PDE10A: variants seen among roughly 807,000 people sequenced by gnomAD.
PDE10A encodes cAMP and cAMP-inhibited cGMP 3',5'-cyclic phosphodiesterase 10A.
In PDE10A, 39 loss-of-function variants were observed where a neutral mutation model predicts 97.7. The ratio of observed to expected loss-of-function variants is 0.40; its 90% CI spans 0.31 to 0.52. The LOEUF (loss-of-function observed/expected upper bound fraction) is 0.52, where lower values mean the gene tolerates loss of function less well. Among genes scored for constraint, PDE10A ranks in the 20% least tolerant of loss-of-function variants. PDE10A has a pLI of 0.56. For synonymous variants in PDE10A, 371 were observed against 376.8 expected (o/e 0.98, Z 0.18); for missense variants, 731 against 1,047.8 (o/e 0.70, Z 4.17).
At chr6:165,824,934 G>A (rs753962290) in intron 1 of PDE10A, among the ~76,000 whole-genome samples, 7 of 139,096 alleles carry the variant, frequency 5.0e-5, no homozygotes, top group Non-Finnish European at 6.1e-5. Context: ...AGTTTGAGAC[G>A]AGCCTGGCCA....
rs546916739 is a variant in PDE10A at position 165,815,994 on chromosome 6, G to A, written c.-615+171535C>T. Among the ~76,000 whole-genome samples, 28 of 151,474 alleles carry A rather than the reference G, an allele frequency of 1.8e-4. No individual in the cohort carries two copies. In the South Asian group the frequency reaches 5.7e-3, roughly 31 times the overall value. Reference sequence around the variant, plus strand: ...AAATGGAGTCTCACTTCATCACCCAGGCTGGAGTGCAGTGGCGTGATCTCA... The same window carrying A: ...AAATGGAGTCTCACTTCATCACCCAAGCTGGAGTGCAGTGGCGTGATCTCA... On this transcript the variant is annotated intron_variant, in intron 1 of 19. Coordinates refer to the PDE10A transcript ENST00000366882.
chr6:165,892,879 A>C (rs1325500349), intron 1 of PDE10A, among the ~76,000 whole-genome samples: 2 of 152,158 alleles, frequency 1.3e-5, no homozygotes, highest in African/African-American at 4.8e-5. Context: ...CGAGGCATTG[A>C]GCAGGGAGTT....
intron 1 of PDE10A, among the ~76,000 whole-genome samples, chr6:165,951,547 C>T (rs980994105): frequency 6.6e-6 from 1 of 152,136 alleles, no homozygotes; most frequent in Non-Finnish European, 1.5e-5. Flanking sequence ...CCAGCTTCTT[C>T]TGCACCACTC....
Position 165,482,340 on chromosome 6 carries a change from T to A in PDE10A, c.998A>T (p.Glu333Val), listed in dbSNP as rs761943949. Residue 333 changes from glutamate (E) to valine (V), a missense_variant, in exon 3 of 22, where the codon GAA becomes GTA. This residue lies in a region of PDE10A where 181 missense variants were observed against 159.1 expected (regional missense o/e 1.14). Coordinates refer to ENST00000539869, the MANE Select transcript of PDE10A (RefSeq NM_001385079.1). ...LKRKNNKSED[E>V]SAPKEVSRYQ... Reference sequence around the variant, plus strand: ...CCTGCTGACTTCCTTAGGAGCTGATTCATCTGGGGATAGAGAAGGAAGAGG... The same window carrying A: ...CCTGCTGACTTCCTTAGGAGCTGATACATCTGGGGATAGAGAAGGAAGAGG... The A allele has an allele frequency of 6.2e-7, 1 of 1,600,676 alleles. No individual in the cohort carries two copies. The highest frequency in any genetic ancestry group is 1.1e-5 in the South Asian group (1 of 90,846).
rs942791917 is a variant in PDE10A at position 165,661,879 on chromosome 6, GC to G, written c.865+67del. 6 of 725,710 alleles carry G rather than the reference GC, an allele frequency of 8.3e-6. No individual in the cohort carries two copies. Among genetic ancestry groups the G allele is most frequent in the African/African-American group, 3.7e-5 (2 of 54,680 alleles). 45.0% of individuals were successfully genotyped at this position (725,710 alleles called of 1,614,324 possible). A position where few individuals can be genotyped will look rare whatever the true frequency, so the allele number is the denominator to read the frequency against. On this transcript the variant is annotated intron_variant, in intron 1 of 21. Coordinates refer to ENST00000539869, the MANE Select transcript of PDE10A (RefSeq NM_001385079.1). This position sits in a 1 kb window ranked among gnomAD's most constrained non-coding sequence, Gnocchi z 4.8. The stretch of plus-strand genomic sequence containing the variant: ...ACCCGCTTCCCACCCAGCAGTCCAA[GC>G]CCCCCACCTGCCCCCAGGGGATGAG...
At chr6:165,375,515 G>A (rs1334160365) in intron 18 of PDE10A, among the ~76,000 whole-genome samples, 1 of 152,192 alleles carries the variant, frequency 6.6e-6, no homozygotes, top group South Asian at 2.1e-4. Context: ...TTAAAGCAAG[G>A]TAAAAAGTGC....
intron 13 of PDE10A, 72 bp downstream of exon 13, chr6:165,413,429 A>T: frequency 5.5e-6 from 6 of 1,081,802 alleles, no homozygotes; most frequent in Non-Finnish European, 6.7e-6. Flanking sequence ...AAAAGCCCTT[A>T]AGCTGCTTTA....
intron 1 of PDE10A, among the ~76,000 whole-genome samples, chr6:165,658,695 T>C (rs909554629): frequency 7.2e-5 from 11 of 152,232 alleles, no homozygotes; most frequent in Admixed American, 2.0e-4. Flanking sequence ...CCGCTCTCCA[T>C]TGCACAAGCA....
intron 1 of PDE10A, among the ~76,000 whole-genome samples, chr6:165,704,575 A>C (rs553731048): frequency 9.9e-5 from 15 of 152,236 alleles, no homozygotes; most frequent in African/African-American, 2.9e-4. Flanking sequence ...TCTTCTCATC[A>C]CACTTGCAAA....
At position 165,472,733 on chromosome 6, in the gene PDE10A, G is replaced by GA. The variant is rs549601350; in HGVS notation, c.1023+9581dup. Among the ~76,000 whole-genome samples the GA allele has an allele frequency of 4.9e-3, 741 of 152,134 alleles. 3 individuals carry two copies. Among genetic ancestry groups the GA allele is most frequent in the Non-Finnish European group, 8.7e-3 (594 of 67,952 alleles). On this transcript the variant is annotated intron_variant, in intron 3 of 21. Coordinates refer to ENST00000539869, the MANE Select transcript of PDE10A (RefSeq NM_001385079.1). ...AGTTCTTCTGAATGTATAACACATA[G>GA]AAGAAATAGAGATGCATTCTGGTAA...
chr6:165,887,039 A>T (rs1321431712), intron 1 of PDE10A, among the ~76,000 whole-genome samples: 3 of 152,258 alleles, frequency 2.0e-5, no homozygotes, highest in African/African-American at 4.8e-5. Flanking sequence ...TGAGCAAGAT[A>T]CTGAAATCAT....
chr6:165,368,027 G>C (rs1303205001), intron 18 of PDE10A, among the ~76,000 whole-genome samples: 1 of 152,126 alleles, frequency 6.6e-6, no homozygotes, highest in Non-Finnish European at 1.5e-5. Context: ...ATGAAGTCTT[G>C]CTCTGTAGCC....
chr6:165,520,758 G>A (rs1782081656), intron 2 of PDE10A, among the ~76,000 whole-genome samples: 1 of 152,090 alleles, frequency 6.6e-6, no homozygotes, highest in Non-Finnish European at 1.5e-5. Flanking sequence ...CAGGAATTAA[G>A]AAACAAGATT....
chr6:165,805,225 T>C (rs1160386523), intron 1 of PDE10A, among the ~76,000 whole-genome samples: 2 of 152,066 alleles, frequency 1.3e-5, no homozygotes, highest in Middle Eastern at 3.4e-3. Context: ...GGGCACCCAC[T>C]GTGCGCCCTG....
chr6:165,407,304 C>G (rs1199555629), intron 13 of PDE10A, among the ~76,000 whole-genome samples: 1 of 152,146 alleles, frequency 6.6e-6, no homozygotes, highest in Non-Finnish European at 1.5e-5. Context: ...GGGGACCAGT[C>G]TGCATGCATT....
At chr6:165,859,473 T>C (rs1026910750) in intron 1 of PDE10A, among the ~76,000 whole-genome samples, 1 of 152,164 alleles carries the variant, frequency 6.6e-6, no homozygotes. Flanking sequence ...ATTTATTTAT[T>C]TTTTACATTT....
chr6:165,420,158 T>C (rs1239849195), intron 10 of PDE10A, among the ~76,000 whole-genome samples: 1 of 152,200 alleles, frequency 6.6e-6, no homozygotes. Flanking sequence ...AAGGCTGAGT[T>C]AGGGCCAGCG....
At chr6:165,761,387 T>C (rs929572797) in intron 1 of PDE10A, among the ~76,000 whole-genome samples, 1 of 152,250 alleles carries the variant, frequency 6.6e-6, no homozygotes, top group Non-Finnish European at 1.5e-5. Context: ...ACTAAGTCCA[T>C]GCTCAGTTGA....
chr6:165,688,419 C>T (rs73788726), intron 1 of PDE10A, among the ~76,000 whole-genome samples: 200 of 152,254 alleles, frequency 1.3e-3, no homozygotes, highest in African/African-American at 4.3e-3. Flanking sequence ...GAAATGGTTT[C>T]GTGGTATAAT....
Sources: gnomAD v4.1 joint callset for allele counts (sites outside exome capture counted in the v4.1 genomes callset) on GRCh38, gnomAD v4.1.1 for gene constraint, gnomAD v4.1.1 regional missense constraint, Gnocchi (gnomAD v3.1) non-coding constraint, MANE v1.5 for transcripts, NCBI Gene and HGNC (gene_info 2026-07-23, HGNC 2026-07-21) for gene names.